The following CEP41 variants were observed in gnomAD, a reference collection of about 807,000 sequenced individuals.
CEP41 encodes centrosomal protein of 41 kDa.
A neutral mutation model predicts 44.3 loss-of-function variants in CEP41; 32 were observed. That is an observed-to-expected ratio of 0.72 (90% CI 0.54 to 0.97). The LOEUF (loss-of-function observed/expected upper bound fraction) is 0.97, where lower values mean the gene tolerates loss of function less well. Ranked by LOEUF, CEP41 falls within the 50% of genes least tolerant of loss-of-function variation. The pLI, the probability that CEP41 is intolerant of heterozygous loss-of-function variation, is 0.00. For missense variants in CEP41, 432 were observed against 455.2 expected, an observed-to-expected ratio of 0.95 and a Z score of 0.46; for synonymous variants, 151 against 168.5, an observed-to-expected ratio of 0.90 and a Z score of 0.80.
intron 5 of CEP41, among the ~76,000 whole-genome samples, chr7:130,407,145 C>T (rs1181890195): frequency 6.6e-6 from 1 of 151,768 alleles, no homozygotes; most frequent in Non-Finnish European, 1.5e-5. Context: ...CCTGATTGGG[C>T]AAGTAAAACT....
At position 130,394,423 on chromosome 7, in the gene CEP41, T is replaced by C. The variant is rs145921907; in HGVS notation, c.*4468A>G. 4 of 454,086 alleles carry C rather than the reference T, an allele frequency of 8.8e-6. No individual in the cohort carries two copies. Among genetic ancestry groups the C allele is most frequent in the African/African-American group, 8.0e-5 (4 of 50,102 alleles). The allele number at this position is 454,086 out of a possible 1,614,324, so 28.1% of individuals were successfully genotyped here. The stretch of plus-strand genomic sequence containing the variant: ...TAAGCTCTCCACAAACATTGGCTAG[T>C]ATTATTATTTTCTGGAAATCTTCAA... On this transcript the variant is annotated 3_prime_UTR_variant, in exon 11 of 11. Coordinates refer to ENST00000223208, the MANE Select transcript of CEP41 (RefSeq NM_018718.3).
intron 4 of CEP41, 144 bp downstream of exon 4, chr7:130,412,035 C>A: frequency 1.4e-6 from 1 of 727,664 alleles, no homozygotes; most frequent in South Asian, 1.5e-5. Flanking sequence ...ACACCACATA[C>A]CAATTAATCT....
rs1554415835 is a variant in CEP41 at position 130,398,477 on chromosome 7, G to A, written c.*414C>T. 2.2e-6 allele frequency: 1 copy of A among 455,098 alleles called. No individual in the cohort carries two copies. Among genetic ancestry groups the A allele is most frequent in the South Asian group, 1.6e-5 (1 of 64,492 alleles). 28.2% of individuals were successfully genotyped at this position (455,098 alleles called of 1,614,324 possible). On this transcript the variant is annotated 3_prime_UTR_variant, in exon 11 of 11. Transcript: ENST00000223208. ...AGAAGCCTTCATGAAGTCAAGAACAGTGAATGAAAAGGTGGCAGGGACAGG... is the reference window on the plus strand; with the variant it reads ...AGAAGCCTTCATGAAGTCAAGAACAATGAATGAAAAGGTGGCAGGGACAGG...
rs2117555473 is a variant in CEP41, at chr7:130,400,761, C to T, written c.703G>A (p.Ala235Thr). The T allele has an allele frequency of 3.1e-6, 5 of 1,613,888 alleles. No homozygotes were observed. Among genetic ancestry groups the T allele is most frequent in the Non-Finnish European group, 4.2e-6 (5 of 1,179,884 alleles). The change falls in exon 9 of 11, where the codon GCG becomes ACG. Residue 235 changes from alanine (A) to threonine (T), a missense_variant. By Grantham distance (58) the Ala-to-Thr change is moderately conservative (BLOSUM62 0). Coordinates refer to ENST00000223208, the MANE Select transcript of CEP41 (RefSeq NM_018718.3). ...CCACGCTCGCACATGGTGGTGGCCG[C>T]CTGACTGGCCAGCCTTTCATCATCG... ...YDDDERLASQ[A>T]ATTMCERGFE...
At chr7:130,428,080 C>A in intron 1 of CEP41, 62 bp from the exon 2 acceptor site, 2 of 1,144,764 alleles carry the variant, frequency 1.7e-6, no homozygotes, top group South Asian at 2.5e-5. Context: ...AAGGTAAAGT[C>A]AGGAGTCAGA....
At chr7:130,416,502 C>T (rs1797340113) in intron 3 of CEP41, among the ~76,000 whole-genome samples, 1 of 152,166 alleles carries the variant, frequency 6.6e-6, no homozygotes, top group South Asian at 2.1e-4. Context: ...TCCATGAATA[C>T]TCTCATTTAT....
chr7:130,407,545 A>G (rs1433186796), intron 5 of CEP41, among the ~76,000 whole-genome samples: 1 of 152,192 alleles, frequency 6.6e-6, no homozygotes, highest in Non-Finnish European at 1.5e-5. Flanking sequence ...AAACATGGAA[A>G]AGAATATAAA....
intron 1 of CEP41, among the ~76,000 whole-genome samples, chr7:130,435,366 G>A (rs1249169425): frequency 6.6e-6 from 1 of 152,016 alleles, no homozygotes; most frequent in Non-Finnish European, 1.5e-5. Context: ...AATATTTACA[G>A]TCATCACCAA....
In CEP41 at chr7:130,394,259, G is replaced by C. The variant is rs1174215452; in HGVS notation, c.*4632C>G. 3 of 453,950 alleles carry C rather than the reference G, an allele frequency of 6.6e-6. No homozygotes were observed. Among genetic ancestry groups the C allele is most frequent in the Non-Finnish European group, 1.3e-5 (3 of 226,800 alleles). 28.1% of individuals were successfully genotyped at this position (453,950 alleles called of 1,614,324 possible). ...TCCTGGCTTTTCAAACCCTTGGTCAGAGACTGAAGGCAAACCTGAGTCACT... is the reference window on the plus strand; with the variant it reads ...TCCTGGCTTTTCAAACCCTTGGTCACAGACTGAAGGCAAACCTGAGTCACT... On this transcript the variant is annotated 3_prime_UTR_variant, in exon 11 of 11. Coordinates refer to ENST00000223208, the MANE Select transcript of CEP41 (RefSeq NM_018718.3).
rs1562973498 is a variant in CEP41, at chr7:130,397,032, C to CT, written c.*1858dup. ...CCAGAACTTTCTTACAGAGAAAAAT[C>CT]TTTTTTCCTTAAAAATGTATATGTG... On this transcript the variant is annotated 3_prime_UTR_variant, in exon 11 of 11. Coordinates refer to ENST00000223208, the MANE Select transcript of CEP41 (RefSeq NM_018718.3). 1 of 454,314 alleles carries CT rather than the reference C, an allele frequency of 2.2e-6. No homozygotes were observed. The highest frequency in any genetic ancestry group is 1.6e-5 in the South Asian group (1 of 64,462). The allele number at this position is 454,314 out of a possible 1,614,324, so 28.1% of individuals were successfully genotyped here.
Position 130,394,968 on chromosome 7 carries a change from T to A in CEP41, c.*3923A>T. ...TGTTACACAGGTGAGAATTTGCTTC[T>A]GTACAGAACAAAGAGGATCAGCAAC... is the stretch of plus-strand genomic sequence containing the variant. On this transcript the variant is annotated 3_prime_UTR_variant, in exon 11 of 11. Coordinates refer to ENST00000223208, the MANE Select transcript of CEP41 (RefSeq NM_018718.3). The A allele has an allele frequency of 2.2e-6, 1 of 454,100 alleles. No individual in the cohort carries two copies. The highest frequency in any genetic ancestry group is 4.4e-6 in the Non-Finnish European group (1 of 226,780). 28.1% of individuals were successfully genotyped at this position (454,100 alleles called of 1,614,324 possible).
At chr7:130,427,912 C>CT in intron 2 of CEP41, 43 bp downstream of exon 2, 1 of 1,300,580 alleles carries the variant, frequency 7.7e-7, no homozygotes, top group Non-Finnish European at 1.1e-6. Context: ...CAATAATTAG[C>CT]TATTAGATTT....
upstream of CEP41, chr7:130,441,256 C>CG (rs1388298853): frequency 5.3e-5 from 6 of 113,520 alleles, no homozygotes; most frequent in East Asian, 2.3e-4. Flanking sequence ...AAGAGAGGCG[C>CG]GGGGGGAGGG....
intron 5 of CEP41, among the ~76,000 whole-genome samples, chr7:130,408,139 T>C (rs781984254): frequency 3.3e-5 from 5 of 152,362 alleles, no homozygotes; most frequent in South Asian, 2.1e-4. Flanking sequence ...TTCACGTATT[T>C]ATGTCTCATT....
upstream of CEP41, chr7:130,441,183 C>T (rs1287585495): frequency 2.9e-6 from 2 of 684,234 alleles, no homozygotes; most frequent in Non-Finnish European, 5.3e-6. Flanking sequence ...CAACGCGGGA[C>T]GCCGGCTAGC....
At chr7:130,406,948 C>A (rs540961260) in intron 5 of CEP41, among the ~76,000 whole-genome samples, 7 of 151,270 alleles carry the variant, frequency 4.6e-5, no homozygotes, top group African/African-American at 1.7e-4. Context: ...TGCACATGTA[C>A]CCTAGAACTT....
At position 130,395,222 on chromosome 7, in the gene CEP41, T is replaced by C. The variant is rs1796624628; in HGVS notation, c.*3669A>G. ...ACTACCCAAATGTATTCTGAACATT[T>C]TGGAAGCACAATGTTATTTATTGCT... On this transcript the variant is annotated 3_prime_UTR_variant, in exon 11 of 11. Coordinates refer to ENST00000223208, the MANE Select transcript of CEP41 (RefSeq NM_018718.3). 1 of 452,074 alleles carries C rather than the reference T, an allele frequency of 2.2e-6. No individual in the cohort carries two copies. Among genetic ancestry groups the C allele is most frequent in the Non-Finnish European group, 4.4e-6 (1 of 225,322 alleles). The allele number at this position is 452,074 out of a possible 1,614,324, so 28.0% of individuals were successfully genotyped here.
chr7:130,441,036 C>G (rs1367666446), upstream of CEP41: 4 of 1,550,926 alleles, frequency 2.6e-6, no homozygotes, highest in South Asian at 4.5e-5. Flanking sequence ...TTCCTACCCC[C>G]ACAACCTTGT....
chr7:130,441,053 G>C (rs28403587), upstream of CEP41: 2 of 1,440,146 alleles, frequency 1.4e-6, no homozygotes, highest in Non-Finnish European at 1.9e-6. Context: ...TTGTTCAGCC[G>C]CCTCCCTATA....
Sources: gnomAD v4.1 joint callset for allele counts (sites outside exome capture counted in the v4.1 genomes callset) on GRCh38, gnomAD v4.1.1 for gene constraint, MANE v1.5 for transcripts, NCBI Gene and HGNC (gene_info 2026-07-23, HGNC 2026-07-21) for gene names.